Variants in EZH2 observed in about 807,000 individuals in gnomAD.
EZH2 encodes the protein enhancer of zeste 2 polycomb repressive complex 2 subunit, also known as histone-lysine N-methyltransferase EZH2.
EZH2 carries 18 observed loss-of-function variants against 98.4 expected under a neutral mutation model. The observed-to-expected ratio is 0.18, with a 90% CI of 0.13 to 0.27. The LOEUF (loss-of-function observed/expected upper bound fraction) is 0.27, where lower values mean the gene tolerates loss of function less well. Among genes scored for constraint, EZH2 ranks in the 10% least tolerant of loss-of-function variants. EZH2 has a pLI of 1.00. For synonymous variants in EZH2, 338 were observed against 312.3 expected (o/e 1.08, Z -0.87); for missense variants, 470 against 935.1 (o/e 0.50, Z 6.49).
intron 3 of EZH2, among the ~76,000 whole-genome samples, chr7:148,844,920 G>A (rs928548095): frequency 6.6e-6 from 1 of 151,442 alleles, no homozygotes; most frequent in African/African-American, 2.4e-5. Flanking sequence ...CAGGCAAACT[G>A]ACTAAATGCT....
chr7:148,843,064 C>T (rs528678653), intron 3 of EZH2, among the ~76,000 whole-genome samples: 12 of 152,044 alleles, frequency 7.9e-5, no homozygotes, highest in South Asian at 2.1e-4. Flanking sequence ...AAAAACTAGC[C>T]GGGCGTGGTG....
intron 3 of EZH2, among the ~76,000 whole-genome samples, chr7:148,833,600 G>A (rs555782188): frequency 6.6e-6 from 1 of 152,320 alleles, no homozygotes; most frequent in South Asian, 2.1e-4. Context: ...TAATGGGTTT[G>A]TGTTTCAATC....
At chr7:148,830,052 GAAAA>G (rs969963664) in intron 4 of EZH2, among the ~76,000 whole-genome samples, 1 of 151,894 alleles carries the variant, frequency 6.6e-6, no homozygotes, top group Non-Finnish European at 1.5e-5. Flanking sequence ...ACTGTTGACA[GAAAA>G]AAAATTTAAT....
intron 1 of EZH2, among the ~76,000 whole-genome samples, chr7:148,854,651 TGTAA>T (rs1816500210): frequency 6.6e-6 from 1 of 152,190 alleles, no homozygotes; most frequent in Non-Finnish European, 1.5e-5. Context: ...CCCAACAAGA[TGTAA>T]GTAATATGAT....
At chr7:148,814,378 A>G (rs1306639824) in intron 14 of EZH2, among the ~76,000 whole-genome samples, 2 of 152,132 alleles carry the variant, frequency 1.3e-5, no homozygotes, top group African/African-American at 4.8e-5. Context: ...GTATATATTT[A>G]AAGTCGGTGT....
chr7:148,816,666 G>C lies in EZH2; in HGVS notation c.1505+18C>G. The C allele has an allele frequency of 1.3e-6, 2 of 1,593,312 alleles. No individual in the cohort carries two copies. The highest frequency in any genetic ancestry group is 1.7e-6 in the Non-Finnish European group (2 of 1,161,180). The stretch of plus-strand genomic sequence containing the variant: ...CTATCTATGTTGACTTCTCTAAGGA[G>C]CTTCATGACAGACTCACCGGTGTTT... On this transcript the variant is annotated intron_variant, in intron 12 of 19. Coordinates refer to ENST00000320356, the MANE Select transcript of EZH2 (RefSeq NM_004456.5).
intron 1 of EZH2, among the ~76,000 whole-genome samples, chr7:148,870,510 G>A (rs1051644930): frequency 1.3e-5 from 2 of 151,690 alleles, no homozygotes; most frequent in East Asian, 1.9e-4. Flanking sequence ...TAGACCAGCC[G>A]GGGCAACATG....
intron 3 of EZH2, among the ~76,000 whole-genome samples, chr7:148,837,978 G>A (rs140157989): frequency 5.5e-4 from 83 of 151,826 alleles, no homozygotes; most frequent in African/African-American, 1.9e-3. Context: ...TGTAATTAAC[G>A]GTTTCTACAT....
At chr7:148,869,217 CTTACCATCACCTGTG>C (rs1159004065) in intron 1 of EZH2, among the ~76,000 whole-genome samples, 1 of 151,984 alleles carries the variant, frequency 6.6e-6, no homozygotes, top group South Asian at 2.1e-4. Context: ...TAGGGAGAAT[CTTACCATCACCTGTG>C]ATGGTAATCA....
At chr7:148,827,341 T>C (rs1808019882) in intron 6 of EZH2, 75 bp from the exon 7 acceptor site, 1 of 1,092,692 alleles carries the variant, frequency 9.2e-7, no homozygotes, top group African/African-American at 1.6e-5. Flanking sequence ...CTCTACCCAA[T>C]TATGTCTCTA....
At chr7:148,842,503 TTGAC>T (rs1469972131) in intron 3 of EZH2, among the ~76,000 whole-genome samples, 1 of 152,224 alleles carries the variant, frequency 6.6e-6, no homozygotes, top group African/African-American at 2.4e-5. Flanking sequence ...TAACAATTTC[TTGAC>T]TAACAGTGAC....
intron 1 of EZH2, among the ~76,000 whole-genome samples, chr7:148,860,011 A>T (rs1463328009): frequency 6.6e-6 from 1 of 152,172 alleles, no homozygotes; most frequent in East Asian, 1.9e-4. Context: ...AGCCAAATTT[A>T]AAAAAACTGA....
chr7:148,844,958 TAAAAAA>T (rs370647018), intron 3 of EZH2, among the ~76,000 whole-genome samples: 1 of 144,776 alleles, frequency 6.9e-6, no homozygotes, highest in Non-Finnish European at 1.5e-5. Flanking sequence ...TTGCCTGGAT[TAAAAAA>T]AAAAAAGTGT....
Position 148,809,303 on chromosome 7 carries a change from TA to T in EZH2, c.2110+6del. ...GGAGTTCCAATTCTCACGTCAAAGG[TA>T]CCTACCTTTTGCATAGCAGTTTGGA... On this transcript the variant is annotated splice_donor_region_variant and intron_variant, in intron 18 of 19. Transcript: ENST00000320356. 1.2e-6 allele frequency: 2 copies of T among 1,600,798 alleles called. No homozygotes were observed. The highest frequency in any genetic ancestry group is 1.7e-6 in the Non-Finnish European group (2 of 1,168,548).
At chr7:148,829,954 TC>T in intron 4 of EZH2, 106 bp from the exon 5 acceptor site, 1 of 777,350 alleles carries the variant, frequency 1.3e-6, no homozygotes, top group Non-Finnish European at 1.9e-6. Context: ...TACCCAGTTC[TC>T]CAGATTTAAA....
At position 148,814,997 on chromosome 7, in the gene EZH2, TG is replaced by T; in HGVS notation, c.1588del (p.His530IlefsTer13). The T allele has an allele frequency of 6.2e-7, 1 of 1,614,082 alleles. No individual in the cohort carries two copies. The highest frequency in any genetic ancestry group is 8.5e-7 in the Non-Finnish European group (1 of 1,180,004). On this transcript the variant is annotated frameshift_variant, in exon 14 of 20. Coordinates refer to ENST00000320356, the MANE Select transcript of EZH2 (RefSeq NM_004456.5). LOFTEE classifies it high-confidence loss of function. ...NHVYNYQPCD[H>X]PRQPCDSSCP... ...CGAACTGTCACAAGGCTGCCGTGGA[TG>T]ATCACAGGGTTGATAGTTGTAAACA...
chr7:148,810,066 A>G (rs558513458), intron 17 of EZH2: 1 of 348,906 alleles, frequency 2.9e-6, no homozygotes, highest in Non-Finnish European at 5.4e-6. Context: ...GCAAGAGCAC[A>G]ACGTCCCCTT....
chr7:148,820,759 A>T (rs1161283628), intron 8 of EZH2, among the ~76,000 whole-genome samples: 1 of 152,200 alleles, frequency 6.6e-6, no homozygotes, highest in Non-Finnish European at 1.5e-5. Context: ...TGAAGAAAAA[A>T]ATACATAATT....
intron 1 of EZH2, among the ~76,000 whole-genome samples, chr7:148,875,004 T>C (rs1295297777): frequency 6.6e-6 from 1 of 152,224 alleles, no homozygotes; most frequent in Non-Finnish European, 1.5e-5. Flanking sequence ...TTTTTACTTT[T>C]AATATTCTCA....
Sources: gnomAD v4.1 joint callset for allele counts (sites outside exome capture counted in the v4.1 genomes callset) on GRCh38, gnomAD v4.1.1 for gene constraint, MANE v1.5 for transcripts, NCBI Gene and HGNC (gene_info 2026-07-23, HGNC 2026-07-21) for gene names.